The following WDPCP variants were observed in gnomAD, a reference collection of about 807,000 sequenced individuals.
WDPCP encodes WD repeat-containing and planar cell polarity effector protein fritz homolog.
In WDPCP, 71 loss-of-function variants were observed where a neutral mutation model predicts 93.1. The observed-to-expected ratio is 0.76, with a 90% CI of 0.63 to 0.93. The LOEUF (loss-of-function observed/expected upper bound fraction) is 0.93. WDPCP is among the 40% of genes least tolerant of loss of function. The pLI is 0.00. For synonymous variants in WDPCP, 315 were observed against 315.0 expected (o/e 1.00, Z 0.00); for missense variants, 844 against 887.4 (o/e 0.95, Z 0.62).
Position 63,404,244 on chromosome 2 carries a change from G to T in WDPCP, c.1239C>A (p.Ile413=), listed in dbSNP as rs369050743. The part of the protein sequence containing the change: ...IFDMALSPIN[I]QLLAEDRLPR... Reference sequence around the variant, plus strand: ...GTAAGCGGTCTTCAGCCAACAGTTGGATGTTAATAGGGGATAGAGCCATAT... The same window carrying T: ...GTAAGCGGTCTTCAGCCAACAGTTGTATGTTAATAGGGGATAGAGCCATAT... Residue 413 remains isoleucine (I), a synonymous_variant, in exon 10 of 18, where the codon ATC becomes ATA. Coordinates refer to ENST00000272321, the MANE Select transcript of WDPCP (RefSeq NM_015910.7). 1.4e-5 allele frequency: 22 copies of T among 1,613,548 alleles called. No individual in the cohort carries two copies. Among genetic ancestry groups the T allele is most frequent in the Non-Finnish European group, 1.8e-5 (21 of 1,179,674 alleles).
chr2:63,661,244 A>C (rs776598506), intron 2 of WDPCP, among the ~76,000 whole-genome samples: 1 of 152,200 alleles, frequency 6.6e-6, no homozygotes, highest in Non-Finnish European at 1.5e-5. Context: ...TAAAGACTCA[A>C]CTAGGGAGGA....
intron 12 of WDPCP, among the ~76,000 whole-genome samples, chr2:63,333,820 T>A (rs1558483257): frequency 6.6e-6 from 1 of 152,236 alleles, no homozygotes; most frequent in Non-Finnish European, 1.5e-5. Context: ...CCATGTTCAC[T>A]CATATTTGGC....
At position 63,575,419 on chromosome 2, in the gene WDPCP, C is replaced by CTG. The variant is rs1553438424; in HGVS notation, c.75+12776_75+12777dup. On this transcript the variant is annotated intron_variant, in intron 1 of 17. Transcript: ENST00000272321. The stretch of plus-strand genomic sequence containing the variant: ...ATACAGTATATATACAGTATATACA[C>CTG]TGTATACAGTGTATATACAGTGTAT... Among the ~76,000 whole-genome samples, 8 of 65,580 alleles carry CTG rather than the reference C, an allele frequency of 1.2e-4. 1 individual carries two copies. Among genetic ancestry groups the CTG allele is most frequent in the Non-Finnish European group, 1.8e-4 (7 of 39,572 alleles). 43.0% of individuals were successfully genotyped at this position (65,580 alleles called of 152,430 possible).
chr2:63,267,237 T>G (rs1377307661), intron 13 of WDPCP, among the ~76,000 whole-genome samples: 1 of 152,166 alleles, frequency 6.6e-6, no homozygotes, highest in African/African-American at 2.4e-5. Flanking sequence ...AAAGAACAAT[T>G]TATTGTCCTT....
intron 14 of WDPCP, among the ~76,000 whole-genome samples, chr2:63,191,650 T>G (rs1283166396): frequency 1.3e-5 from 2 of 152,164 alleles, no homozygotes; most frequent in African/African-American, 4.8e-5. Context: ...ACTCTATTAT[T>G]TCTATGACAT....
At chr2:63,305,300 A>C (rs1286788982) in intron 13 of WDPCP, among the ~76,000 whole-genome samples, 1 of 152,104 alleles carries the variant, frequency 6.6e-6, no homozygotes, top group Non-Finnish European at 1.5e-5. Context: ...CCTGACTGGG[A>C]GACATCTCCC....
chr2:63,705,532 T>C (rs1432908205), intron 2 of WDPCP, among the ~76,000 whole-genome samples: 3 of 152,222 alleles, frequency 2.0e-5, no homozygotes, highest in African/African-American at 7.2e-5. Context: ...AACATCTTTA[T>C]TTCTGTCTTC....
At chr2:63,717,183 T>A (rs1048116802) in intron 2 of WDPCP, 1 of 449,246 alleles carries the variant, frequency 2.2e-6, no homozygotes, top group Non-Finnish European at 4.3e-6. Flanking sequence ...CTTTTTGTAT[T>A]CTTGCTGTCC....
At chr2:63,421,586 T>TAA (rs1695865569) in intron 9 of WDPCP, among the ~76,000 whole-genome samples, 1 of 152,172 alleles carries the variant, frequency 6.6e-6, no homozygotes, top group Admixed American at 6.5e-5. Context: ...ACACAGGCCT[T>TAA]AAGCTTTCAC....
intron 2 of WDPCP, among the ~76,000 whole-genome samples, chr2:63,809,250 C>G (rs1670822481): frequency 1.3e-5 from 2 of 151,568 alleles, no homozygotes; most frequent in African/African-American, 4.8e-5. Context: ...AAGTGAGGAG[C>G]CCCTCTGCCC....
chr2:63,214,046 A>G (rs1159061279), intron 14 of WDPCP, among the ~76,000 whole-genome samples: 1 of 152,194 alleles, frequency 6.6e-6, no homozygotes, highest in African/African-American at 2.4e-5. Flanking sequence ...CTGAGGTACA[A>G]AGAGGAGCTG....
intron 14 of WDPCP, among the ~76,000 whole-genome samples, chr2:63,244,564 A>C (rs1680120314): frequency 6.6e-6 from 1 of 152,122 alleles, no homozygotes. Flanking sequence ...AATATAAAAG[A>C]TCCTTACAGA....
chr2:63,121,664 T>G lies in WDPCP; in HGVS notation c.*342A>C, dbSNP rs2153393619. The G allele has an allele frequency of 3.4e-6, 1 of 291,112 alleles. No individual in the cohort carries two copies. The highest frequency in any genetic ancestry group is 4.9e-5 in the Admixed American group (1 of 20,206). 18.0% of individuals were successfully genotyped at this position (291,112 alleles called of 1,614,324 possible). A position where few individuals can be genotyped will look rare whatever the true frequency, so the allele number is the denominator to read the frequency against. ...GGACTACAGGCATGAGCACTATGCC[T>G]GCCCCCTACTGCCCCTTTTTTAAAG... On this transcript the variant is annotated 3_prime_UTR_variant, in exon 18 of 18. Transcript: ENST00000272321.
intron 15 of WDPCP, among the ~76,000 whole-genome samples, chr2:63,155,824 CTTCT>C (rs968512814): frequency 6.6e-6 from 1 of 152,120 alleles, no homozygotes; most frequent in Non-Finnish European, 1.5e-5. Flanking sequence ...GTTATTCTAG[CTTCT>C]TTGTCTCTTT....
At chr2:63,321,188 T>G (rs1237805645) in intron 12 of WDPCP, among the ~76,000 whole-genome samples, 2 of 152,078 alleles carry the variant, frequency 1.3e-5, no homozygotes, top group Non-Finnish European at 2.9e-5. Context: ...AACAGTTGCT[T>G]TTAGCACACC....
chr2:63,829,829 A>T (rs1671167903), upstream of WDPCP, among the ~76,000 whole-genome samples: 1 of 152,192 alleles, frequency 6.6e-6, no homozygotes, highest in East Asian at 1.9e-4. Context: ...TTTTTTCAGT[A>T]TTACAATTTT....
At chr2:63,488,988 C>T (rs962405178) in intron 2 of WDPCP, among the ~76,000 whole-genome samples, 4 of 151,930 alleles carry the variant, frequency 2.6e-5, no homozygotes, top group African/African-American at 7.3e-5. Context: ...AGAGAGTCAG[C>T]CTGACATGGT....
At chr2:63,555,385 C>T (rs1252719669) in intron 1 of WDPCP, among the ~76,000 whole-genome samples, 2 of 126,828 alleles carry the variant, frequency 1.6e-5, no homozygotes, top group Non-Finnish European at 1.6e-5. Context: ...CCATGATCTC[C>T]GTAGATCAGC....
At chr2:63,570,295 A>G (rs528152415) in intron 1 of WDPCP, among the ~76,000 whole-genome samples, 1 of 152,222 alleles carries the variant, frequency 6.6e-6, no homozygotes, top group Non-Finnish European at 1.5e-5. Context: ...AAACATATGT[A>G]TTATCATGCA....
Sources: gnomAD v4.1 joint callset for allele counts (sites outside exome capture counted in the v4.1 genomes callset) on GRCh38, gnomAD v4.1.1 for gene constraint, MANE v1.5 for transcripts, NCBI Gene and HGNC (gene_info 2026-07-23, HGNC 2026-07-21) for gene names.